The following FOXP1 variants were observed in gnomAD, a reference collection of about 807,000 sequenced individuals.
FOXP1 encodes forkhead box P1, also known as forkhead box protein P1.
In FOXP1, 15 loss-of-function variants were observed where a neutral mutation model predicts 98.2. The observed-to-expected ratio is 0.15, with a 90% CI of 0.10 to 0.24. The LOEUF (loss-of-function observed/expected upper bound fraction) is 0.24. Ranked by LOEUF, FOXP1 falls within the 10% of genes least tolerant of loss-of-function variation. The pLI is 1.00. For synonymous variants in FOXP1, 371 were observed against 314.5 expected (o/e 1.18, Z -1.90); for missense variants, 633 against 848.5 (o/e 0.75, Z 3.15).
At chr3:71,261,169 G>C (rs193182800) in intron 5 of FOXP1, among the ~76,000 whole-genome samples, 1 of 152,178 alleles carries the variant, frequency 6.6e-6, no homozygotes, top group East Asian at 1.9e-4. Flanking sequence ...AGTAATACAG[G>C]CCTCTCGCAA....
At chr3:71,343,925 C>G (rs1318709020) in intron 4 of FOXP1, among the ~76,000 whole-genome samples, 1 of 152,184 alleles carries the variant, frequency 6.6e-6, no homozygotes, top group African/African-American at 2.4e-5. Context: ...CTAAGGAAAG[C>G]AGGACTCTTT....
At chr3:71,000,877 CAAT>C (rs1203326100) in intron 13 of FOXP1, 92 bp downstream of exon 13, 2 of 733,770 alleles carry the variant, frequency 2.7e-6, no homozygotes, top group African/African-American at 1.8e-5. Context: ...ACCTTCCATT[CAAT>C]AATGAGTACA....
chr3:71,409,377 G>A (rs960397176), intron 3 of FOXP1, among the ~76,000 whole-genome samples: 1 of 152,108 alleles, frequency 6.6e-6, no homozygotes, highest in Admixed American at 6.5e-5. Context: ...CTGTGAACTA[G>A]TACCTGGAAT....
chr3:71,207,173 T>C (rs922135028), intron 5 of FOXP1, among the ~76,000 whole-genome samples: 6 of 152,142 alleles, frequency 3.9e-5, no homozygotes, highest in Admixed American at 6.5e-5. Context: ...CTTTAATCAT[T>C]TGAACATTCA....
chr3:71,539,153 C>G (rs1035785662), intron 2 of FOXP1, among the ~76,000 whole-genome samples: 1 of 149,190 alleles, frequency 6.7e-6, no homozygotes, highest in African/African-American at 2.5e-5. Flanking sequence ...GCTCTGTCGC[C>G]CAGGCTGGGG....
intron 6 of FOXP1, among the ~76,000 whole-genome samples, chr3:71,168,217 A>G (rs2061481024): frequency 6.6e-6 from 1 of 152,206 alleles, no homozygotes; most frequent in African/African-American, 2.4e-5. Context: ...CTGTAACCAC[A>G]TACAGTTTAT....
intron 4 of FOXP1, among the ~76,000 whole-genome samples, chr3:71,324,868 G>A (rs1460266865): frequency 6.6e-6 from 1 of 151,924 alleles, no homozygotes; most frequent in African/African-American, 2.4e-5. Flanking sequence ...TGGAACAAAG[G>A]GCCATGCTAA....
intron 5 of FOXP1, among the ~76,000 whole-genome samples, chr3:71,213,186 T>A (rs952554142): frequency 6.6e-6 from 1 of 152,180 alleles, no homozygotes; most frequent in Non-Finnish European, 1.5e-5. Flanking sequence ...AAACACACGG[T>A]GTGTTTTAAG....
intron 13 of FOXP1, among the ~76,000 whole-genome samples, chr3:70,995,785 G>A (rs754080021): frequency 3.3e-5 from 5 of 152,132 alleles, no homozygotes; most frequent in Non-Finnish European, 5.9e-5. Flanking sequence ...CCAGTAGAAG[G>A]TTGCAACAAG....
At chr3:71,583,465 C>G in intron 1 of FOXP1, 106 bp downstream of exon 1, 22 of 735,232 alleles carry the variant, frequency 3.0e-5, no homozygotes, top group Non-Finnish European at 3.4e-5. Flanking sequence ...TTCTTTCTTT[C>G]TTTTTTTTTT....
At chr3:71,365,130 ATTGATTGAGGGTT>A (rs1444450202) in intron 3 of FOXP1, among the ~76,000 whole-genome samples, 6 of 152,222 alleles carry the variant, frequency 3.9e-5, no homozygotes, top group Admixed American at 1.3e-4. Context: ...GCTTCAGAAC[ATTGATTGAGGGTT>A]TTGCACATTG....
intron 13 of FOXP1, among the ~76,000 whole-genome samples, chr3:70,991,210 G>A (rs972654832): frequency 6.6e-6 from 1 of 152,076 alleles, no homozygotes; most frequent in Non-Finnish European, 1.5e-5. Flanking sequence ...TTAAAGAATG[G>A]AACAGAAAGC....
chr3:71,576,885 G>C (rs1286476862), intron 2 of FOXP1, among the ~76,000 whole-genome samples: 1 of 152,118 alleles, frequency 6.6e-6, no homozygotes, highest in Admixed American at 6.5e-5. Flanking sequence ...TGGCTAGATA[G>C]GAAACATTTT....
At chr3:71,292,934 T>C (rs2072912780) in intron 5 of FOXP1, among the ~76,000 whole-genome samples, 1 of 152,178 alleles carries the variant, frequency 6.6e-6, no homozygotes, top group South Asian at 2.1e-4. Flanking sequence ...TACCACAAAC[T>C]TCAAATCCAA....
intron 3 of FOXP1, among the ~76,000 whole-genome samples, chr3:71,417,618 G>T (rs1577391146): frequency 6.6e-6 from 1 of 151,824 alleles, no homozygotes; most frequent in African/African-American, 2.4e-5. Flanking sequence ...CAGCTTTTAG[G>T]AGACAAAAAT....
chr3:71,282,750 T>C (rs576119207), intron 5 of FOXP1, among the ~76,000 whole-genome samples: 9 of 152,168 alleles, frequency 5.9e-5, no homozygotes, highest in Non-Finnish European at 1.0e-4. Context: ...CTTCACAGCA[T>C]TCCTATAAGG....
intron 2 of FOXP1, among the ~76,000 whole-genome samples, chr3:71,518,078 C>T (rs908554557): frequency 6.6e-6 from 1 of 152,170 alleles, no homozygotes; most frequent in Non-Finnish European, 1.5e-5. Context: ...TAATGAACAA[C>T]TGCTTGGGGA....
At chr3:71,561,643 C>T (rs2046550914) in intron 2 of FOXP1, among the ~76,000 whole-genome samples, 1 of 152,212 alleles carries the variant, frequency 6.6e-6, no homozygotes, top group Non-Finnish European at 1.5e-5. Context: ...AACATTACAA[C>T]AGCGCTGGCA....
intron 5 of FOXP1, chr3:71,245,433 T>A (rs2067656093): frequency 6.6e-6 from 1 of 152,090 alleles, no homozygotes; most frequent in Admixed American, 6.5e-5. Context: ...TATCTGACTG[T>A]AAATTTGCTA....
Sources: gnomAD v4.1 joint callset for allele counts (sites outside exome capture counted in the v4.1 genomes callset) on GRCh38, gnomAD v4.1.1 for gene constraint, MANE v1.5 for transcripts, NCBI Gene and HGNC (gene_info 2026-07-23, HGNC 2026-07-21) for gene names.